The following IQCM variants were observed in gnomAD, a reference collection of about 807,000 sequenced individuals.
IQCM encodes IQ motif containing M, also known as IQ domain-containing protein M.
IQCM carries 45 observed loss-of-function variants against 57.6 expected under a neutral mutation model. The ratio of observed to expected loss-of-function variants is 0.78; its 90% CI spans 0.62 to 1.00. The LOEUF (loss-of-function observed/expected upper bound fraction) is 1.00. Ranked by LOEUF, IQCM falls within the 50% of genes least tolerant of loss-of-function variation. The pLI, the probability that IQCM is intolerant of heterozygous loss-of-function variation, is 0.00. For synonymous variants in IQCM, 148 were observed against 158.9 expected, an observed-to-expected ratio of 0.93 and a Z score of 0.51; for missense variants, 468 against 511.6, an observed-to-expected ratio of 0.91 and a Z score of 0.82.
chr4:149,636,553 T>A (rs942202494), intron 7 of IQCM, among the ~76,000 whole-genome samples: 2 of 152,160 alleles, frequency 1.3e-5, no homozygotes, highest in Non-Finnish European at 2.9e-5. Context: ...TAAATGCTGC[T>A]GAGAAGGACC....
At chr4:149,716,593 T>C (rs1357867728) in intron 5 of IQCM, among the ~76,000 whole-genome samples, 1 of 152,122 alleles carries the variant, frequency 6.6e-6, no homozygotes. Flanking sequence ...TGGAGCACGT[T>C]GCCCCAGCCA....
chr4:149,634,272 G>A (rs1318835537), intron 7 of IQCM, among the ~76,000 whole-genome samples: 1 of 152,144 alleles, frequency 6.6e-6, no homozygotes, highest in Non-Finnish European at 1.5e-5. Context: ...GCCTCCCAAA[G>A]TGAGCTTTTT....
intron 2 of IQCM, among the ~76,000 whole-genome samples, chr4:149,770,898 C>T (rs945066111): frequency 1.3e-5 from 2 of 151,978 alleles, no homozygotes; most frequent in African/African-American, 4.8e-5. Context: ...TTCTCAATAC[C>T]TCTTCTATAG....
chr4:149,579,147 T>C (rs1413853757), intron 9 of IQCM, among the ~76,000 whole-genome samples: 1 of 151,606 alleles, frequency 6.6e-6, no homozygotes, highest in Admixed American at 6.6e-5. Flanking sequence ...CATGCAGGAG[T>C]CACACCTACA....
At chr4:149,644,958 A>C (rs1445819067) in intron 7 of IQCM, among the ~76,000 whole-genome samples, 1 of 152,188 alleles carries the variant, frequency 6.6e-6, no homozygotes, top group Non-Finnish European at 1.5e-5. Flanking sequence ...TACACTTTGC[A>C]CTGCCAGTCT....
chr4:149,415,884 A>T (rs1191509930), intron 13 of IQCM, among the ~76,000 whole-genome samples: 1 of 152,018 alleles, frequency 6.6e-6, no homozygotes, highest in Admixed American at 6.6e-5. Context: ...GGGGAACATC[A>T]CACACTGGGG....
intron 8 of IQCM, among the ~76,000 whole-genome samples, chr4:149,619,915 G>T (rs1756171989): frequency 1.3e-5 from 2 of 152,108 alleles, no homozygotes; most frequent in Admixed American, 1.3e-4. Flanking sequence ...CCAGCACTTT[G>T]GGAGAGTAAG....
At chr4:149,688,060 T>C (rs113976277) in intron 5 of IQCM, among the ~76,000 whole-genome samples, 31,679 of 151,678 alleles carry the variant, frequency 0.21, 4,117 homozygotes, top group Non-Finnish European at 0.28. Context: ...TGCCCACTCT[T>C]ACCATTCCTC....
chr4:149,809,737 G>A (rs1774388445), intron 2 of IQCM, among the ~76,000 whole-genome samples: 1 of 152,114 alleles, frequency 6.6e-6, no homozygotes, highest in Non-Finnish European at 1.5e-5. Flanking sequence ...TGATGCATGA[G>A]AGGCATTACT....
intron 12 of IQCM, among the ~76,000 whole-genome samples, chr4:149,510,946 C>T (rs900215376): frequency 2.0e-5 from 3 of 152,182 alleles, no homozygotes; most frequent in African/African-American, 7.2e-5. Flanking sequence ...TATTTGAAAG[C>T]AAGTCACTAA....
intron 12 of IQCM, among the ~76,000 whole-genome samples, chr4:149,466,328 G>T (rs932792085): frequency 2.0e-5 from 3 of 152,122 alleles, no homozygotes; most frequent in Non-Finnish European, 4.4e-5. Context: ...CAATAATAAT[G>T]TTCAATTAAT....
intron 13 of IQCM, among the ~76,000 whole-genome samples, chr4:149,393,938 A>T (rs921242029): frequency 6.6e-6 from 1 of 152,038 alleles, no homozygotes; most frequent in African/African-American, 2.4e-5. Flanking sequence ...CAAAACAAAA[A>T]CCTCTAAACA....
chr4:149,734,199 T>C lies in IQCM; in HGVS notation c.121-691A>G, dbSNP rs1766722652. ...CACCCAAAAAAAAGGTTTAGAAAAA[T>C]TCAAATTGTTGCTGACTCAAAAGGT... On this transcript the variant is annotated intron_variant, in intron 4 of 13. Coordinates refer to ENST00000636793, the MANE Select transcript of IQCM (RefSeq NM_001363507.2). Among the ~76,000 whole-genome samples, 5 of 152,034 alleles carry C rather than the reference T, an allele frequency of 3.3e-5. No homozygotes were observed. The South Asian group carries it at 1.0e-3, about 32-fold the overall frequency.
intron 13 of IQCM, among the ~76,000 whole-genome samples, chr4:149,428,612 G>C (rs567536968): frequency 1.3e-3 from 190 of 151,764 alleles, no homozygotes; most frequent in African/African-American, 4.3e-3. Context: ...AATTCTTAAA[G>C]AATATCACCA....
At chr4:149,622,144 T>A (rs1298813653) in intron 7 of IQCM, among the ~76,000 whole-genome samples, 1 of 152,154 alleles carries the variant, frequency 6.6e-6, no homozygotes, top group East Asian at 1.9e-4. Flanking sequence ...GGCAATGAAG[T>A]AACATAAAAT....
chr4:149,764,750 T>C (rs1000414123), intron 2 of IQCM, among the ~76,000 whole-genome samples: 6 of 152,118 alleles, frequency 3.9e-5, no homozygotes, highest in Non-Finnish European at 5.9e-5. Context: ...CATAGCTGGA[T>C]AGAAAAGCTT....
At chr4:149,765,763 C>T (rs1273265174) in intron 2 of IQCM, among the ~76,000 whole-genome samples, 1 of 152,084 alleles carries the variant, frequency 6.6e-6, no homozygotes, top group Non-Finnish European at 1.5e-5. Flanking sequence ...TCCCCATTTG[C>T]TCCTATAGAT....
intron 2 of IQCM, among the ~76,000 whole-genome samples, chr4:149,809,215 A>T (rs1029733803): frequency 2.0e-5 from 3 of 151,504 alleles, no homozygotes; most frequent in African/African-American, 7.3e-5. Context: ...GTGAGCCGAG[A>T]TCACACCACT....
chr4:149,542,775 A>C (rs1198727131), intron 12 of IQCM, among the ~76,000 whole-genome samples: 8 of 152,156 alleles, frequency 5.3e-5, no homozygotes, highest in Non-Finnish European at 1.5e-5. Context: ...TTATTTATGA[A>C]TAATAGCAAA....
Sources: gnomAD v4.1 joint callset for allele counts (sites outside exome capture counted in the v4.1 genomes callset) on GRCh38, gnomAD v4.1.1 for gene constraint, MANE v1.5 for transcripts, NCBI Gene and HGNC (gene_info 2026-07-23, HGNC 2026-07-21) for gene names.